The following DNAJB1 variants were observed in gnomAD, a reference collection of about 807,000 sequenced individuals.
The protein encoded by DNAJB1 is dnaJ homolog subfamily B member 1.
In DNAJB1, 14 loss-of-function variants were observed where a neutral mutation model predicts 24.0. The observed-to-expected ratio is 0.58, with a 90% confidence interval of 0.39 to 0.91. The LOEUF (loss-of-function observed/expected upper bound fraction) is 0.91. Among genes scored for constraint, DNAJB1 ranks in the 40% least tolerant of loss-of-function variants. The probability of loss-of-function intolerance (pLI) is 0.00; values close to 1 mark genes in which losing one functional copy is unlikely to be tolerated. For synonymous variants in DNAJB1, 262 were observed against 174.4 expected, an observed-to-expected ratio of 1.50 and a Z score of -3.96; for missense variants, 517 against 458.1, an observed-to-expected ratio of 1.13 and a Z score of -1.17.
intron 1 of DNAJB1, among the ~76,000 whole-genome samples, chr19:14,528,076 G>A (rs531716320): frequency 1.3e-5 from 2 of 151,514 alleles, no homozygotes; most frequent in East Asian, 1.9e-4. Flanking sequence ...TAGAGACAGG[G>A]TTTCACCACG....
upstream of DNAJB1, among the ~76,000 whole-genome samples, chr19:14,532,905 T>A: frequency 6.6e-6 from 1 of 151,058 alleles, no homozygotes; most frequent in Non-Finnish European, 1.5e-5. Context: ...AAGTCAGGAG[T>A]TCGAGACCAG....
chr19:14,550,019 T>C (rs1302437638), intron 1 of DNAJB1, among the ~76,000 whole-genome samples: 1 of 152,066 alleles, frequency 6.6e-6, no homozygotes, highest in Non-Finnish European at 1.5e-5. Context: ...CCTTTCTTTC[T>C]TCTTTCCATG....
upstream of DNAJB1, chr19:14,529,795 T>C (rs532362706): frequency 1.6e-5 from 25 of 1,591,194 alleles, no homozygotes; most frequent in East Asian, 2.0e-4. Flanking sequence ...CCCCACTTTC[T>C]GGTCCTGTGC....
chr19:14,547,104 G>T (rs77383291), intron 1 of DNAJB1, among the ~76,000 whole-genome samples: 4,335 of 142,338 alleles, frequency 0.03, 213 homozygotes, highest in African/African-American at 0.12. Context: ...AGAAACCAAC[G>T]TCAAAGCAAA....
At chr19:14,551,645 C>T (rs2073509669), upstream of DNAJB1, among the ~76,000 whole-genome samples, 1 of 152,000 alleles carries the variant, frequency 6.6e-6, no homozygotes, top group Non-Finnish European at 1.5e-5. Flanking sequence ...AGCTGTAAAC[C>T]CTGCCTGGGC....
At chr19:14,525,331 TTG>T (rs1448191938) in intron 2 of DNAJB1, among the ~76,000 whole-genome samples, 2 of 44,628 alleles carry the variant, frequency 4.5e-5, no homozygotes, top group African/African-American at 2.6e-4. Flanking sequence ...TCTACTTTTT[TTG>T]TTTTTTTTTT....
chr19:14,558,379 G>T (rs1382719333), intron 1 of DNAJB1, among the ~76,000 whole-genome samples: 7 of 152,118 alleles, frequency 4.6e-5, no homozygotes, highest in Non-Finnish European at 1.0e-4. Context: ...CTCCCCTCTG[G>T]GCTTGGGAGG....
upstream of DNAJB1, chr19:14,530,093 C>T: frequency 2.8e-6 from 1 of 357,986 alleles, no homozygotes; most frequent in Non-Finnish European, 5.4e-6. Context: ...ACGCCGCCGT[C>T]ACCAGCGTAG....
At chr19:14,540,480 C>T (rs1030067257) in intron 1 of DNAJB1, among the ~76,000 whole-genome samples, 41 of 152,056 alleles carry the variant, frequency 2.7e-4, no homozygotes, top group African/African-American at 9.2e-4. Flanking sequence ...GCAACCTCTG[C>T]GTCTGGGATT....
At position 14,542,468 on chromosome 19, in the gene DNAJB1, TCTC is replaced by T. The variant is rs1329668295; in HGVS notation, c.-214+7737_-214+7739del. On this transcript the variant is annotated intron_variant, in intron 1 of 3. Coordinates refer to the DNAJB1 transcript ENST00000676982. ...CCTCCGCCTCCCGGGTTCAATCAAT[TCTC>T]CTGCCTCAGCCTCCTGAGTAGCTGG... Among the ~76,000 whole-genome samples the T allele has an allele frequency of 4.0e-5, 6 of 149,188 alleles. No homozygotes were observed. The Admixed American group carries it at 4.1e-4, about 10-fold the overall frequency.
intron 1 of DNAJB1, among the ~76,000 whole-genome samples, chr19:14,542,347 G>GTGTTTTTTT (rs2073125545): frequency 3.7e-4 from 16 of 43,300 alleles, no homozygotes; most frequent in African/African-American, 1.1e-3. Context: ...ATGCCATAGT[G>GTGTTTTTTT]TTTTTTTTTT....
intron 1 of DNAJB1, among the ~76,000 whole-genome samples, chr19:14,547,811 C>T (rs1023874948): frequency 6.6e-6 from 1 of 151,768 alleles, no homozygotes; most frequent in Non-Finnish European, 1.5e-5. Flanking sequence ...AGGTGCATAC[C>T]ACCTACAGCC....
At position 14,515,925 on chromosome 19, in the gene DNAJB1, G is replaced by A. The variant is rs755426483; in HGVS notation, c.*15C>T. ...CTGGAAAGGTCCCTGGTCAGTCCTT[G>A]GGGAGCTCAGATAGCTATATTGGAA... is the stretch of plus-strand genomic sequence containing the variant. On this transcript the variant is annotated 3_prime_UTR_variant, in exon 3 of 3. Transcript: ENST00000254322. 1.2e-6 allele frequency: 2 copies of A among 1,604,308 alleles called. No individual in the cohort carries two copies. The highest frequency in any genetic ancestry group is 1.7e-6 in the Non-Finnish European group (2 of 1,176,464).
intron 1 of DNAJB1, among the ~76,000 whole-genome samples, chr19:14,549,673 A>G (rs998922238): frequency 6.6e-6 from 1 of 151,068 alleles, no homozygotes; most frequent in African/African-American, 2.4e-5. Context: ...GGCCAGGCGC[A>G]GTGGCTCACG....
At chr19:14,553,919 C>G (rs1166815856), upstream of DNAJB1, among the ~76,000 whole-genome samples, 2 of 152,126 alleles carry the variant, frequency 1.3e-5, no homozygotes, top group Non-Finnish European at 2.9e-5. Context: ...TTGCACTGAC[C>G]AGGGCTCGCA....
chr19:14,529,408 A>G (rs970514923), upstream of DNAJB1: 1 of 585,288 alleles, frequency 1.7e-6, no homozygotes, highest in African/African-American at 1.9e-5. Flanking sequence ...CCTTCTCTTT[A>G]GCCCCTCCTA....
chr19:14,528,751 C>T (rs1239018292), intron 1 of DNAJB1, among the ~76,000 whole-genome samples: 2 of 151,782 alleles, frequency 1.3e-5, no homozygotes, highest in Admixed American at 6.6e-5. Context: ...ACCAGCCTGG[C>T]CAACCATGGG....
At chr19:14,547,020 A>G (rs1228921169) in intron 1 of DNAJB1, among the ~76,000 whole-genome samples, 4 of 152,202 alleles carry the variant, frequency 2.6e-5, no homozygotes, top group Non-Finnish European at 5.9e-5. Flanking sequence ...AATTTGATCA[A>G]CATGATAGGG....
At chr19:14,538,527 C>CT (rs1476269303) in intron 1 of DNAJB1, among the ~76,000 whole-genome samples, 1 of 98,056 alleles carries the variant, frequency 1.0e-5, no homozygotes, top group Admixed American at 1.1e-4. Flanking sequence ...CCTCAAAACT[C>CT]TTTTTTTTCT....
Sources: allele counts gnomAD v4.1 joint callset (sites outside exome capture counted in the v4.1 genomes callset), GRCh38; gene constraint gnomAD v4.1.1; transcripts MANE v1.5; gene names NCBI Gene and HGNC (gene_info 2026-07-23, HGNC 2026-07-21).